Variants in USP53 observed in about 807,000 individuals in gnomAD.
USP53 encodes the protein ubiquitin carboxyl-terminal hydrolase 53.
USP53 carries 71 observed loss-of-function variants against 94.9 expected under a neutral mutation model. The ratio of observed to expected loss-of-function variants is 0.75; its 90% confidence interval spans 0.62 to 0.91. USP53 has a LOEUF of 0.91. Among genes scored for constraint, USP53 ranks in the 40% least tolerant of loss-of-function variants. USP53 has a pLI of 0.00. For missense variants in USP53, 1,173 were observed against 1,281.0 expected (o/e 0.92, Z 1.29); for synonymous variants, 375 against 422.7 (o/e 0.89, Z 1.39).
chr4:119,223,657 A>T (rs1442224518), intron 3 of USP53, among the ~76,000 whole-genome samples: 1 of 152,156 alleles, frequency 6.6e-6, no homozygotes, highest in Non-Finnish European at 1.5e-5. Context: ...TTTACCATCC[A>T]CATTATTTTT....
chr4:119,262,206 A>C (rs1750598348), intron 12 of USP53, among the ~76,000 whole-genome samples: 1 of 152,212 alleles, frequency 6.6e-6, no homozygotes. Flanking sequence ...GATGATTCAC[A>C]GTAGTTTTGT....
chr4:119,250,109 G>A (rs1748766788), intron 7 of USP53, among the ~76,000 whole-genome samples: 1 of 152,020 alleles, frequency 6.6e-6, no homozygotes, highest in South Asian at 2.1e-4. Context: ...TTCCCTCAGT[G>A]CTTCATCCCT....
intron 4 of USP53, among the ~76,000 whole-genome samples, chr4:119,238,193 G>C (rs1578444817): frequency 6.6e-6 from 1 of 152,220 alleles, no homozygotes; most frequent in East Asian, 1.9e-4. Flanking sequence ...CTTTCTGCCT[G>C]TCTCAACTTT....
intron 7 of USP53, among the ~76,000 whole-genome samples, chr4:119,254,767 G>A (rs1041599118): frequency 3.3e-5 from 5 of 152,178 alleles, no homozygotes; most frequent in Non-Finnish European, 7.4e-5. Context: ...TTACCTTGCA[G>A]GTGAGGGGTT....
At chr4:119,235,143 T>A (rs1273294062) in intron 3 of USP53, 147 bp from the exon 4 acceptor site, 3 of 152,222 alleles carry the variant, frequency 2.0e-5, no homozygotes, top group Non-Finnish European at 4.4e-5. Context: ...TTTTAGAGAC[T>A]GATGCTTCTT....
rs78826712 is a variant in USP53, at chr4:119,213,416, C to T, written c.-942+543C>T. ...TGATGTATATAAAGTTAATGTTTAGCTTCTAAAGGGCGGCTTACGGGGCAT... is the reference window on the plus strand; with the variant it reads ...TGATGTATATAAAGTTAATGTTTAGTTTCTAAAGGGCGGCTTACGGGGCAT... On this transcript the variant is annotated intron_variant, in intron 1 of 18. Coordinates refer to ENST00000692078, the MANE Select transcript of USP53 (RefSeq NM_001371395.1). Among the ~76,000 whole-genome samples the T allele has an allele frequency of 7.9e-3, 1,201 of 151,948 alleles. 19 individuals are homozygous for T. The highest frequency in any genetic ancestry group is 0.026 in the African/African-American group (1,093 of 41,380).
intron 5 of USP53, 82 bp from the exon 6 acceptor site, chr4:119,245,255 T>G: frequency 7.4e-7 from 1 of 1,356,368 alleles, no homozygotes; most frequent in Non-Finnish European, 1.0e-6. Context: ...TTTTGCAATT[T>G]GTAAAATATC....
At chr4:119,221,096 A>G (rs1450803750) in intron 3 of USP53, 2 of 152,218 alleles carry the variant, frequency 1.3e-5, no homozygotes, top group Admixed American at 6.5e-5. Flanking sequence ...CAACGTAGAG[A>G]CAAACAAGGA....
intron 13 of USP53, among the ~76,000 whole-genome samples, chr4:119,267,789 G>GT (rs1751333787): frequency 1.3e-5 from 2 of 152,186 alleles, no homozygotes; most frequent in Non-Finnish European, 1.5e-5. Flanking sequence ...AAACAGCTAG[G>GT]TCATTTTTGG....
At chr4:119,264,724 G>A (rs1182231514) in intron 12 of USP53, among the ~76,000 whole-genome samples, 1 of 152,158 alleles carries the variant, frequency 6.6e-6, no homozygotes, top group Non-Finnish European at 1.5e-5. Flanking sequence ...CAAGGTTGAT[G>A]GAACCACAAA....
rs530065544 is a variant in USP53 at position 119,293,687 on chromosome 4, A to G, written c.*476A>G. 9.6e-4 allele frequency: 146 copies of G among 152,742 alleles called. 1 individual carries two copies. Among genetic ancestry groups the G allele is most frequent in the Admixed American group, 7.8e-4 (12 of 15,314 alleles). 9.5% of individuals were successfully genotyped at this position (152,742 alleles called of 1,614,324 possible). A position where few individuals can be genotyped will look rare whatever the true frequency, so the allele number is the denominator to read the frequency against. On this transcript the variant is annotated 3_prime_UTR_variant, in exon 19 of 19. Coordinates refer to ENST00000692078, the MANE Select transcript of USP53 (RefSeq NM_001371395.1). ...TAAACTATGCTAATTGAAAAGTACC[A>G]GGTGATACATAGCCTGGTACTTTTT...
In USP53 at chr4:119,239,816, G is replaced by T. The variant is rs762005503; in HGVS notation, c.57G>T (p.Gln19His). 1 of 1,612,636 alleles carries T rather than the reference G, an allele frequency of 6.2e-7. No individual in the cohort carries two copies. Residue 19 changes from glutamine to histidine, a missense_variant, in exon 5 of 19, where the codon CAG (glutamine) becomes CAT (histidine). By Grantham distance (24) the Gln-to-His change is conservative (BLOSUM62 0). Coordinates refer to ENST00000692078, the MANE Select transcript of USP53 (RefSeq NM_001371395.1). ...KPGGNLGKVY[Q>H]PGSMLSLAPT... is the part of the protein sequence containing the mutation. ...GTGGCAATCTTGGAAAAGTTTATCA[G>T]CCTGGAAGTATGCTATCACTAGCCC...
intron 4 of USP53, among the ~76,000 whole-genome samples, chr4:119,235,943 G>A (rs565368250): frequency 5.4e-4 from 82 of 152,116 alleles, no homozygotes; most frequent in African/African-American, 1.9e-3. Flanking sequence ...AACCCTTCTG[G>A]TACACTCTAC....
chr4:119,242,613 G>T (rs1747690513), intron 5 of USP53, among the ~76,000 whole-genome samples: 2 of 152,138 alleles, frequency 1.3e-5, no homozygotes, highest in Middle Eastern at 3.2e-3. Flanking sequence ...TCTCTGTGCA[G>T]CTCTCTGCAG....
intron 17 of USP53, among the ~76,000 whole-genome samples, chr4:119,278,275 A>C (rs1006646079): frequency 6.6e-6 from 1 of 150,434 alleles, no homozygotes; most frequent in Non-Finnish European, 1.5e-5. Context: ...TTCCTTCAGG[A>C]GCTCTTTTAG....
intron 3 of USP53, among the ~76,000 whole-genome samples, chr4:119,226,274 TCTTA>T (rs1306589379): frequency 5.3e-5 from 8 of 152,202 alleles, no homozygotes; most frequent in African/African-American, 1.9e-4. Flanking sequence ...GTATTTCTGT[TCTTA>T]CTTCTTCCTT....
At chr4:119,214,510 TAATC>T (rs1416115322) in intron 2 of USP53, among the ~76,000 whole-genome samples, 2 of 151,910 alleles carry the variant, frequency 1.3e-5, no homozygotes, top group Non-Finnish European at 2.9e-5. Context: ...TTGATACTAA[TAATC>T]AATTCGTTAA....
intron 6 of USP53, among the ~76,000 whole-genome samples, chr4:119,246,881 GATAA>G (rs1296919503): frequency 6.6e-6 from 1 of 152,018 alleles, no homozygotes; most frequent in African/African-American, 2.4e-5. Flanking sequence ...ACATTTTAGA[GATAA>G]ATGTTTCATT....
At chr4:119,244,514 C>T (rs531936415) in intron 5 of USP53, among the ~76,000 whole-genome samples, 15 of 152,262 alleles carry the variant, frequency 9.9e-5, no homozygotes, top group Admixed American at 9.2e-4. Flanking sequence ...CCACAAATAG[C>T]AGCTGGTACT....
Sources: allele counts gnomAD v4.1 joint callset (sites outside exome capture counted in the v4.1 genomes callset), GRCh38; gene constraint gnomAD v4.1.1; transcripts MANE v1.5; gene names NCBI Gene and HGNC (gene_info 2026-07-23, HGNC 2026-07-21).